The following RAB11FIP3 variants were observed in gnomAD, a reference collection of about 807,000 sequenced individuals.
The protein encoded by RAB11FIP3 is rab11 family-interacting protein 3.
Under a neutral mutation model 77.8 loss-of-function variants are expected in RAB11FIP3, and 17 were observed. The ratio of observed to expected loss-of-function variants is 0.22; its 90% CI spans 0.15 to 0.33. The LOEUF is 0.33. Ranked by LOEUF, RAB11FIP3 falls within the 10% of genes least tolerant of loss-of-function variation. RAB11FIP3 has a pLI of 1.00. For synonymous variants in RAB11FIP3, 437 were observed against 448.2 expected (o/e 0.98, Z 0.31); for missense variants, 1,005 against 1,011.2 (o/e 0.99, Z 0.08).
chr16:474,795 A>G (rs1040125845), intron 3 of RAB11FIP3: 4 of 1,394,802 alleles, frequency 2.9e-6, no homozygotes, highest in African/African-American at 1.5e-5. Context: ...TAAACCAGCA[A>G]GGACACTTCC....
chr16:476,704 G>A lies in RAB11FIP3; in HGVS notation c.903+5315G>A, dbSNP rs563408210. 4.6e-5 allele frequency among the ~76,000 whole-genome samples: 7 copies of A among 151,758 alleles called. 2 individuals are homozygous for A. Among genetic ancestry groups the A allele is most frequent in the African/African-American group, 1.5e-4 (6 of 41,344 alleles). On this transcript the variant is annotated intron_variant, in intron 3 of 13. Coordinates refer to ENST00000262305, the MANE Select transcript of RAB11FIP3 (RefSeq NM_014700.4). Reference sequence around the variant, plus strand: ...AGGCAGGAGAATTGCTTGAACCCGGGAGGTGGAGTTTGCAGTGAGCCGAGA... The same window carrying A: ...AGGCAGGAGAATTGCTTGAACCCGGAAGGTGGAGTTTGCAGTGAGCCGAGA...
rs2141916552 is a variant in RAB11FIP3 at position 521,115 on chromosome 16, G to A, written c.*276G>A. The A allele has an allele frequency of 3.8e-6, 2 of 524,000 alleles. No individual in the cohort carries two copies. Among genetic ancestry groups the A allele is most frequent in the South Asian group, 4.5e-5 (2 of 44,028 alleles). 32.5% of individuals were successfully genotyped at this position (524,000 alleles called of 1,614,324 possible). A position where few individuals can be genotyped will look rare whatever the true frequency, so the allele number is the denominator to read the frequency against. On this transcript the variant is annotated 3_prime_UTR_variant, in exon 14 of 14. Coordinates refer to ENST00000262305, the MANE Select transcript of RAB11FIP3 (RefSeq NM_014700.4). ...CCGTCCATCAGCGCTGACCTTCCGG[G>A]GGCCCAGAGCTTCCCAGCCCTGAGT...
At chr16:436,465 C>CATTTATTTATTT (rs201364080) in intron 1 of RAB11FIP3, among the ~76,000 whole-genome samples, 1 of 151,866 alleles carries the variant, frequency 6.6e-6, no homozygotes, top group African/African-American at 2.4e-5. Context: ...GCCAATGTTT[C>CATTTATTTATTT]ATTTATTTAT....
In RAB11FIP3 at chr16:471,167, C is replaced by T. The variant is rs988792671; in HGVS notation, c.809-128C>T. The T allele has an allele frequency of 1.9e-5, 14 of 733,990 alleles. No individual in the cohort carries two copies. In the Middle Eastern group the frequency reaches 1.1e-3, roughly 59 times the overall value. 45.5% of individuals were successfully genotyped at this position (733,990 alleles called of 1,614,324 possible). ...CACTCCCTTGCTTGTCTTGACCCCC[C>T]CCAGGGCCCCCAACTCCCACACATC... On this transcript the variant is annotated intron_variant, in intron 2 of 13. Transcript: ENST00000262305. This position sits in a 1 kb window ranked among gnomAD's most constrained non-coding sequence, Gnocchi z 4.4.
intron 3 of RAB11FIP3, chr16:474,853 A>G: frequency 6.9e-7 from 1 of 1,446,614 alleles, no homozygotes; most frequent in East Asian, 2.5e-5. Context: ...GAGGTTTATT[A>G]GAGCGTGTCT....
At chr16:443,389 A>G (rs1236529337) in intron 1 of RAB11FIP3, among the ~76,000 whole-genome samples, 5 of 152,228 alleles carry the variant, frequency 3.3e-5, no homozygotes, top group Non-Finnish European at 5.9e-5. Flanking sequence ...AGGAGAAAAT[A>G]AAAACCCCAT....
intron 1 of RAB11FIP3, among the ~76,000 whole-genome samples, chr16:445,678 G>A (rs761103966): frequency 1.4e-4 from 22 of 152,068 alleles, no homozygotes; most frequent in Admixed American, 1.1e-3. Flanking sequence ...CTCCTGTAGC[G>A]GCTCCACTGT....
chr16:492,134 C>T (rs534236348), intron 5 of RAB11FIP3, among the ~76,000 whole-genome samples: 37 of 152,326 alleles, frequency 2.4e-4, no homozygotes, highest in Non-Finnish European at 4.1e-4. Flanking sequence ...TGCTGGCGGG[C>T]GCTCACTGCC....
At chr16:493,807 A>T (rs140951036) in intron 5 of RAB11FIP3, among the ~76,000 whole-genome samples, 2 of 145,174 alleles carry the variant, frequency 1.4e-5, no homozygotes, top group African/African-American at 2.6e-5. Context: ...GGGTTTCACC[A>T]TGTCTCAATC....
intron 3 of RAB11FIP3, among the ~76,000 whole-genome samples, chr16:478,759 A>C (rs1313394292): frequency 6.6e-6 from 1 of 152,062 alleles, no homozygotes; most frequent in Non-Finnish European, 1.5e-5. Context: ...TGAGGCCAGG[A>C]GTTCAAGACC....
chr16:473,096 C>A (rs1281196605), intron 3 of RAB11FIP3, among the ~76,000 whole-genome samples: 2 of 152,194 alleles, frequency 1.3e-5, no homozygotes. Flanking sequence ...GGTGTTTCTT[C>A]ACGCCCCGTG....
intron 3 of RAB11FIP3, among the ~76,000 whole-genome samples, chr16:474,531 G>C (rs527359912): frequency 2.2e-4 from 33 of 152,266 alleles, no homozygotes; most frequent in Non-Finnish European, 3.5e-4. Context: ...TGGAGCCCAG[G>C]GGGTGGTGGG....
At position 426,204 on chromosome 16, in the gene RAB11FIP3, C is replaced by A; in HGVS notation, c.198C>A (p.Gly66=). 2.0e-6 allele frequency: 2 copies of A among 1,018,770 alleles called. No homozygotes were observed. Among genetic ancestry groups the A allele is most frequent in the South Asian group, 8.9e-5 (2 of 22,460 alleles). 63.1% of individuals were successfully genotyped at this position (1,018,770 alleles called of 1,614,324 possible). Residue 66 remains glycine, a synonymous_variant, in exon 1 of 14, where the codon GGC becomes GGA. Transcript: ENST00000262305. The surrounding 1 kb of genome is among the most constrained non-coding windows in gnomAD (Gnocchi z 5.0). ...CTGCGCCCGGGGCCGCTGCAGATGG[C>A]GGGGCGCGTTGGAGCGCCGGGCCGG... The part of the protein sequence containing the change: ...DEPAPGAAAD[G]GARWSAGPAP...
chr16:491,598 A>G (rs539489169), intron 5 of RAB11FIP3, among the ~76,000 whole-genome samples: 26 of 152,326 alleles, frequency 1.7e-4, no homozygotes, highest in Non-Finnish European at 3.1e-4. Context: ...CAGAATTGGG[A>G]AAGTTAAAGA....
intron 9 of RAB11FIP3, among the ~76,000 whole-genome samples, chr16:516,602 C>T (rs1305934736): frequency 1.3e-5 from 2 of 152,324 alleles, no homozygotes; most frequent in African/African-American, 4.8e-5. Flanking sequence ...GAGGGCCGGG[C>T]GCGGTGGCTC....
intron 3 of RAB11FIP3, among the ~76,000 whole-genome samples, chr16:474,372 C>G (rs866055649): frequency 6.6e-6 from 1 of 152,126 alleles, no homozygotes; most frequent in Non-Finnish European, 1.5e-5. Context: ...TCTGCTGGCT[C>G]GCACTGTTTT....
chr16:425,855 G>A lies in RAB11FIP3; in HGVS notation c.-152G>A. 1 of 270,536 alleles carries A rather than the reference G, an allele frequency of 3.7e-6. No homozygotes were observed. Among genetic ancestry groups the A allele is most frequent in the Non-Finnish European group, 6.8e-6 (1 of 146,500 alleles). 16.8% of individuals were successfully genotyped at this position (270,536 alleles called of 1,614,324 possible). On this transcript the variant is annotated 5_prime_UTR_variant, in exon 1 of 14. Coordinates refer to ENST00000262305, the MANE Select transcript of RAB11FIP3 (RefSeq NM_014700.4). ...TGAGGCGCGGTGCGAAGATGGGCGA[G>A]GACAGAGCAGGGCCCGAGCGCCAGC... is the stretch of plus-strand genomic sequence containing the variant.
At chr16:442,749 G>A (rs528527720) in intron 1 of RAB11FIP3, among the ~76,000 whole-genome samples, 4 of 152,236 alleles carry the variant, frequency 2.6e-5, no homozygotes, top group Middle Eastern at 3.4e-3. Context: ...TTTAGCAGGC[G>A]GCCTTTGACC....
chr16:457,903 A>G (rs773559014), intron 1 of RAB11FIP3, among the ~76,000 whole-genome samples: 1 of 152,204 alleles, frequency 6.6e-6, no homozygotes, highest in Non-Finnish European at 1.5e-5. Flanking sequence ...GAGCTTAGGA[A>G]TGAGGACTTT....
Sources: gnomAD v4.1 joint callset for allele counts (sites outside exome capture counted in the v4.1 genomes callset) on GRCh38, gnomAD v4.1.1 for gene constraint, Gnocchi (gnomAD v3.1) non-coding constraint, MANE v1.5 for transcripts, NCBI Gene and HGNC (gene_info 2026-07-23, HGNC 2026-07-21) for gene names.